CPAMD8: variants seen among roughly 807,000 people sequenced by gnomAD.
The protein encoded by CPAMD8 is C3 and PZP like alpha-2-macroglobulin domain containing 8.
CPAMD8 carries 146 observed loss-of-function variants against 224.7 expected under a neutral mutation model. That is an observed-to-expected ratio of 0.65 (90% CI 0.57 to 0.75). The LOEUF (loss-of-function observed/expected upper bound fraction) is 0.75, where lower values mean the gene tolerates loss of function less well. Among genes scored for constraint, CPAMD8 ranks in the 30% least tolerant of loss-of-function variants. The pLI, the probability that CPAMD8 is intolerant of heterozygous loss-of-function variation, is 0.00. For missense variants in CPAMD8, 2,301 were observed against 2,537.5 expected, an observed-to-expected ratio of 0.91 and a Z score of 2.00; for synonymous variants, 966 against 1,044.6, an observed-to-expected ratio of 0.92 and a Z score of 1.45.
chr19:17,004,872 C>T (rs888008348), intron 7 of CPAMD8, among the ~76,000 whole-genome samples: 22 of 152,004 alleles, frequency 1.4e-4, no homozygotes, highest in African/African-American at 4.8e-4. Context: ...CACAATATAA[C>T]GACCTAAAAA....
chr19:16,920,411 C>G (rs1422046082), intron 27 of CPAMD8, among the ~76,000 whole-genome samples: 1 of 151,844 alleles, frequency 6.6e-6, no homozygotes, highest in Non-Finnish European at 1.5e-5. Context: ...ACCCAGGGGG[C>G]GGAGCTTGCA....
At chr19:16,965,568 G>A (rs2054802119) in intron 18 of CPAMD8, among the ~76,000 whole-genome samples, 1 of 152,154 alleles carries the variant, frequency 6.6e-6, no homozygotes, top group African/African-American at 2.4e-5. Context: ...GTTTGCAGAT[G>A]ACATGATTGT....
At chr19:17,003,095 G>T (rs577122329) in intron 8 of CPAMD8, among the ~76,000 whole-genome samples, 2 of 151,722 alleles carry the variant, frequency 1.3e-5, no homozygotes, top group South Asian at 4.2e-4. Context: ...TAGAGATGGG[G>T]TTTCACCATG....
intron 5 of CPAMD8, among the ~76,000 whole-genome samples, chr19:17,011,191 G>A (rs921860703): frequency 5.3e-5 from 8 of 151,882 alleles, no homozygotes; most frequent in Non-Finnish European, 8.8e-5. Flanking sequence ...CGAGAGACTC[G>A]GTCTTGGGGA....
At chr19:16,961,587 G>A (rs932240823) in intron 18 of CPAMD8, among the ~76,000 whole-genome samples, 1 of 152,248 alleles carries the variant, frequency 6.6e-6, no homozygotes, top group Non-Finnish European at 1.5e-5. Flanking sequence ...TGTGAGCAGG[G>A]CATGGCTGAA....
chr19:16,945,936 C>T (rs59969951), intron 21 of CPAMD8, among the ~76,000 whole-genome samples: 56,147 of 151,752 alleles, frequency 0.37, 11,476 homozygotes, highest in African/African-American at 0.56. Context: ...TGCATATGCA[C>T]GTGTGTGCAT....
rs368184606 is a variant in CPAMD8 at position 16,949,304 on chromosome 19, C to T, written c.2509-2077G>A. On this transcript the variant is annotated intron_variant, in intron 20 of 41. Coordinates refer to ENST00000443236, the MANE Select transcript of CPAMD8 (RefSeq NM_015692.5). ...CACCAGCATGCGCTCAGAGCCAAGC[C>T]GGACATCTGGGGATTCTGCTCACAG... Among the ~76,000 whole-genome samples the T allele has an allele frequency of 2.0e-4, 31 of 152,206 alleles. No homozygotes were observed. The East Asian group carries it at 4.4e-3, about 22-fold the overall frequency.
intron 3 of CPAMD8, among the ~76,000 whole-genome samples, chr19:17,013,848 C>A (rs1277624751): frequency 2.0e-5 from 3 of 151,582 alleles, no homozygotes; most frequent in Non-Finnish European, 4.4e-5. Context: ...AAAAAAAAAA[C>A]CACTTCAGTC....
chr19:17,002,315 G>A lies in CPAMD8; in HGVS notation c.709C>T (p.Arg237Trp), dbSNP rs762012472. The change falls in exon 9 of 42, where the codon CGG becomes TGG. Residue 237 changes from arginine (R) to tryptophan (W), a missense_variant. Coordinates refer to ENST00000443236, the MANE Select transcript of CPAMD8 (RefSeq NM_015692.5). ...CAGGCGTCCAGGTCTTGGATATACC[G>A]GGGCGGGTCAATCAGAAGCTCAAAC... Reference protein sequence around the residue: ...PKFELLIDPPRYIQDLDACET... With the variant: ...PKFELLIDPPWYIQDLDACET... 100 of 1,606,374 alleles carry A rather than the reference G, an allele frequency of 6.2e-5. No individual in the cohort carries two copies. In the East Asian group the frequency reaches 8.3e-4, roughly 13 times the overall value.
At chr19:16,925,136 C>T in intron 26 of CPAMD8, 60 bp downstream of exon 26, 1 of 1,587,258 alleles carries the variant, frequency 6.3e-7, no homozygotes, top group Non-Finnish European at 8.6e-7. Context: ...GTCTTCTCCA[C>T]TGAAGGCTGA....
chr19:16,928,385 A>T (rs2144956602), intron 24 of CPAMD8, 151 bp from the exon 25 acceptor site: 4 of 627,708 alleles, frequency 6.4e-6, no homozygotes, highest in Non-Finnish European at 5.6e-6. Flanking sequence ...AGGTGAGAGA[A>T]ATCAGGTTAC....
In CPAMD8 at chr19:16,892,995, T is replaced by C; in HGVS notation, c.*113A>G. On this transcript the variant is annotated 3_prime_UTR_variant, in exon 42 of 42. Transcript: ENST00000443236. Reference sequence around the variant, plus strand: ...GTGTATTCTTGTCAATATCCTGGAGTGATCATTTACCAGAGTTTTCTGAGA... The same window carrying C: ...GTGTATTCTTGTCAATATCCTGGAGCGATCATTTACCAGAGTTTTCTGAGA... 1 of 770,564 alleles carries C rather than the reference T, an allele frequency of 1.3e-6. No individual in the cohort carries two copies. The allele number at this position is 770,564 out of a possible 1,614,324, so 47.7% of individuals were successfully genotyped here.
In CPAMD8 at chr19:16,947,147, A is replaced by G. The variant is rs763227170; in HGVS notation, c.2589T>C (p.Cys863=). 5.0e-5 allele frequency: 80 copies of G among 1,613,684 alleles called. No individual in the cohort carries two copies. In the South Asian group the frequency reaches 8.5e-4, roughly 17 times the overall value. Residue 863 remains cysteine, a synonymous_variant, in exon 21 of 42, where the codon TGT becomes TGC. Coordinates refer to ENST00000443236, the MANE Select transcript of CPAMD8 (RefSeq NM_015692.5). Reference sequence around the variant, plus strand: ...TGGGCTCAGCCTCCCCGGGGGCCACACACATCTTCTTGGTCACATGGCGTT... The same window carrying G: ...TGGGCTCAGCCTCCCCGGGGGCCACGCACATCTTCTTGGTCACATGGCGTT... ...PGKRHVTKKM[C]VAPGEAEPIW...
chr19:16,922,903 C>A (rs2053229194), intron 26 of CPAMD8, among the ~76,000 whole-genome samples: 1 of 152,242 alleles, frequency 6.6e-6, no homozygotes, highest in East Asian at 1.9e-4. Context: ...TAACCTCCAA[C>A]TCATTCATCT....
chr19:16,986,171 TC>T (rs1051354759), intron 13 of CPAMD8, among the ~76,000 whole-genome samples: 27 of 151,998 alleles, frequency 1.8e-4, no homozygotes, highest in African/African-American at 5.8e-4. Context: ...GCCCCCCAGT[TC>T]CCCCCTGCCG....
chr19:17,025,535 AGCTGACCT>A (rs1262245497), intron 1 of CPAMD8, among the ~76,000 whole-genome samples: 1 of 152,198 alleles, frequency 6.6e-6, no homozygotes, highest in Non-Finnish European at 1.5e-5. Flanking sequence ...TTGCAGTGGA[AGCTGACCT>A]GCACATCGAA....
chr19:17,011,415 G>C, intron 5 of CPAMD8, 49 bp downstream of exon 5: 1 of 1,603,064 alleles, frequency 6.2e-7, no homozygotes. Context: ...TGGCCAGGTA[G>C]TCCCAAGTGG....
At chr19:16,960,664 G>A (rs1004635986) in intron 18 of CPAMD8, among the ~76,000 whole-genome samples, 1 of 152,070 alleles carries the variant, frequency 6.6e-6, no homozygotes, top group Middle Eastern at 3.4e-3. Context: ...CACTTCGGGA[G>A]ACTGAGGTGG....
chr19:16,896,375 C>G, intron 40 of CPAMD8, 49 bp from the exon 41 acceptor site: 1 of 1,541,516 alleles, frequency 6.5e-7, no homozygotes, highest in South Asian at 1.2e-5. Flanking sequence ...GGAGGGGACC[C>G]AAGGGCCGAG....
Sources: allele counts gnomAD v4.1 joint callset (sites outside exome capture counted in the v4.1 genomes callset), GRCh38; gene constraint gnomAD v4.1.1; transcripts MANE v1.5; gene names NCBI Gene and HGNC (gene_info 2026-07-23, HGNC 2026-07-21).